ZNF823: variants seen among roughly 807,000 people sequenced by gnomAD.
The protein encoded by ZNF823 is zinc finger protein 823, also known as ZFP 36 for a zinc finger protein.
Under a neutral mutation model 11.4 loss-of-function variants are expected in ZNF823, and 5 were observed. The observed-to-expected ratio is 0.44, with a 90% CI of 0.23 to 0.92. The LOEUF (loss-of-function observed/expected upper bound fraction) is 0.92, where lower values mean the gene tolerates loss of function less well. ZNF823 is among the 40% of genes least tolerant of loss of function. The probability of loss-of-function intolerance (pLI) is 0.24; values close to 1 mark genes in which losing one functional copy is unlikely to be tolerated. For synonymous variants in ZNF823, 234 were observed against 250.5 expected (o/e 0.93, Z 0.62); for missense variants, 582 against 738.5 (o/e 0.79, Z 2.46).
At chr19:11,729,333 A>G (rs1169387935) in intron 1 of ZNF823, among the ~76,000 whole-genome samples, 1 of 152,244 alleles carries the variant, frequency 6.6e-6, no homozygotes, top group East Asian at 1.9e-4. Context: ...TTTTAAATTT[A>G]GATAAATCAG....
intron 1 of ZNF823, among the ~76,000 whole-genome samples, chr19:11,737,090 C>T (rs1474999661): frequency 6.6e-6 from 1 of 152,114 alleles, no homozygotes; most frequent in African/African-American, 2.4e-5. Flanking sequence ...GACTTAGCAG[C>T]TATGAGCATC....
At chr19:11,732,772 G>A (rs144816804) in intron 1 of ZNF823, among the ~76,000 whole-genome samples, 12 of 152,168 alleles carry the variant, frequency 7.9e-5, no homozygotes, top group African/African-American at 2.9e-4. Context: ...GCGCATCCAC[G>A]TGTTCACCAA....
At chr19:11,734,052 T>TGA (rs1568470443) in intron 1 of ZNF823, among the ~76,000 whole-genome samples, 59 of 151,968 alleles carry the variant, frequency 3.9e-4, no homozygotes, top group African/African-American at 1.3e-3. Flanking sequence ...CTGGGCAACA[T>TGA]GGTGAAACCT....
chr19:11,722,308 G>C lies in ZNF823; in HGVS notation c.1226C>G (p.Thr409Ser), dbSNP rs1260882665. 2 of 1,614,168 alleles carry C rather than the reference G, an allele frequency of 1.2e-6. No individual in the cohort carries two copies. Among genetic ancestry groups the C allele is most frequent in the Non-Finnish European group, 1.7e-6 (2 of 1,180,010 alleles). Reference protein sequence around the residue: ...CPSLFQRHERTHTGEKPYQCK... With the variant: ...CPSLFQRHERSHTGEKPYQCK... ...TTGATAGGGTTTCTCTCCAGTGTGA[G>C]TCCTTTCATGTCTTTGAAATAAACT... Residue 409 changes from threonine (T) to serine (S), a missense_variant, in exon 4 of 4, where the codon ACT becomes AGT. Around this residue, in one of 3 missense-constraint regions of ZNF823, gnomAD observed 429 missense variants for 553.7 expected, o/e 0.77. Coordinates refer to ENST00000341191, the MANE Select transcript of ZNF823 (RefSeq NM_001080493.4). The surrounding 1 kb of genome is among the most constrained non-coding windows in gnomAD (Gnocchi z 5.2).
chr19:11,737,074 A>G (rs1975003895), intron 1 of ZNF823, among the ~76,000 whole-genome samples: 1 of 152,174 alleles, frequency 6.6e-6, no homozygotes, highest in Admixed American at 6.5e-5. Context: ...ACTAGACACT[A>G]CAAAAGACTT....
intron 1 of ZNF823, among the ~76,000 whole-genome samples, chr19:11,731,521 C>G (rs1775887269): frequency 6.6e-6 from 1 of 152,146 alleles, no homozygotes; most frequent in Non-Finnish European, 1.5e-5. Context: ...TGAACACCAA[C>G]CAATTCTCCA....
chr19:11,723,320 C>T lies in ZNF823; in HGVS notation c.214G>A (p.Asp72Asn), dbSNP rs1974730456. The change falls in exon 4 of 4, where the codon GAT (aspartate) becomes AAT (asparagine). Residue 72 changes from aspartate to asparagine, a missense_variant. Transcript: ENST00000341191. ...NLRSHTCEIKDDSQCGETFGQ... is the reference protein window; with the variant it reads ...NLRSHTCEIKNDSQCGETFGQ... ...AAAGTTTCTCCACATTGACTGTCAT[C>T]TTTAATTTCACATGTATGACTTCTG... 6.2e-7 allele frequency: 1 copy of T among 1,610,390 alleles called. No homozygotes were observed.
At chr19:11,735,271 T>C (rs765404634) in intron 1 of ZNF823, among the ~76,000 whole-genome samples, 1 of 124,794 alleles carries the variant, frequency 8.0e-6, no homozygotes, top group Non-Finnish European at 1.6e-5. Flanking sequence ...CGAGACTCCA[T>C]TTCAAAAAAC....
Position 11,723,079 on chromosome 19 carries a change from T to C in ZNF823, c.455A>G (p.Gln152Arg), listed in dbSNP as rs754270118. Residue 152 changes from glutamine to arginine, a missense_variant, in exon 4 of 4, where the codon CAG (glutamine) becomes CGG (arginine). Around this residue, in one of 3 missense-constraint regions of ZNF823, gnomAD observed 429 missense variants for 553.7 expected, o/e 0.77. Coordinates refer to ENST00000341191, the MANE Select transcript of ZNF823 (RefSeq NM_001080493.4). ...GKAISHQHSF[Q>R]THERPPTGKK... ...TCCGGTGGGGGGCCTTTCATGTGTCTGGAAGGAGTGCTGATGACTGATGGC... is the reference window on the plus strand; with the variant it reads ...TCCGGTGGGGGGCCTTTCATGTGTCCGGAAGGAGTGCTGATGACTGATGGC... 6.8e-6 allele frequency: 11 copies of C among 1,614,078 alleles called. No homozygotes were observed. The highest frequency in any genetic ancestry group is 1.1e-5 in the South Asian group (1 of 91,082).
chr19:11,721,596 C>T lies in ZNF823; in HGVS notation c.*105G>A, dbSNP rs774632539. The T allele has an allele frequency of 6.3e-5, 75 of 1,196,428 alleles. No individual in the cohort carries two copies. The highest frequency in any genetic ancestry group is 8.3e-5 in the Non-Finnish European group (72 of 863,814). 74.1% of individuals were successfully genotyped at this position (1,196,428 alleles called of 1,614,324 possible). A position where few individuals can be genotyped will look rare whatever the true frequency, so the allele number is the denominator to read the frequency against. On this transcript the variant is annotated 3_prime_UTR_variant, in exon 4 of 4. Coordinates refer to ENST00000341191, the MANE Select transcript of ZNF823 (RefSeq NM_001080493.4). ...ACTGTATTTAAAAAAATTGAAACTA[C>T]TTAAGGCTTTATCCCATGTTTACAT...
Position 11,722,357 on chromosome 19 carries a change from A to G in ZNF823, c.1177T>C (p.Cys393Arg), listed in dbSNP as rs201226152. ...CTGGGACAACCAAAGGCTTTCCCACATATCTTGCATTTCTGGGGTCCATCT... is the reference window on the plus strand; with the variant it reads ...CTGGGACAACCAAAGGCTTTCCCACGTATCTTGCATTTCTGGGGTCCATCT... Reference protein sequence around the residue: ...TGDGPQKCKICGKAFGCPSLF... With the variant: ...TGDGPQKCKIRGKAFGCPSLF... Residue 393 changes from cysteine to arginine, a missense_variant, in exon 4 of 4, where the codon TGT becomes CGT. By Grantham distance (180) the Cys-to-Arg change is radical. Transcript: ENST00000341191. The surrounding 1 kb of genome is among the most constrained non-coding windows in gnomAD (Gnocchi z 5.2). 1.9e-5 allele frequency: 31 copies of G among 1,614,030 alleles called. No homozygotes were observed. Among genetic ancestry groups the G allele is most frequent in the Non-Finnish European group, 2.2e-5 (26 of 1,180,016 alleles).
Position 11,723,051 on chromosome 19 carries a change from C to A in ZNF823, c.483G>T (p.Lys161Asn), listed in dbSNP as rs774554953. The A allele has an allele frequency of 6.2e-7, 1 of 1,614,178 alleles. No individual in the cohort carries two copies. Among genetic ancestry groups the A allele is most frequent in the Non-Finnish European group, 8.5e-7 (1 of 1,180,022 alleles). The change falls in exon 4 of 4, where the codon AAG becomes AAT. Residue 161 changes from lysine (K) to asparagine (N), a missense_variant. By Grantham distance (94) the Lys-to-Asn change is moderately conservative (BLOSUM62 0). This residue lies in a region of ZNF823 where 429 missense variants were observed against 553.7 expected (regional missense o/e 0.77). Coordinates refer to ENST00000341191, the MANE Select transcript of ZNF823 (RefSeq NM_001080493.4). Reference sequence around the variant, plus strand: ...CACATTCTTTACAATCGAAGGGTTTCTTTCCGGTGGGGGGCCTTTCATGTG... The same window carrying A: ...CACATTCTTTACAATCGAAGGGTTTATTTCCGGTGGGGGGCCTTTCATGTG... ...FQTHERPPTG[K>N]KPFDCKECAK...
chr19:11,728,877 A>T lies in ZNF823; in HGVS notation c.4-3550T>A, dbSNP rs1343552318. On this transcript the variant is annotated intron_variant, in intron 1 of 3. Coordinates refer to ENST00000341191, the MANE Select transcript of ZNF823 (RefSeq NM_001080493.4). ...AGACATGGACTGGCTGAATAGAATTAAAAAAACAAGGCTGGAAGGGCACAG... is the reference window on the plus strand; with the variant it reads ...AGACATGGACTGGCTGAATAGAATTTAAAAAACAAGGCTGGAAGGGCACAG... Among the ~76,000 whole-genome samples the T allele has an allele frequency of 2.6e-5, 4 of 152,140 alleles. 1 individual carries two copies. The East Asian group carries it at 7.7e-4, about 29-fold the overall frequency.
At chr19:11,726,419 C>T (rs1974794861) in intron 1 of ZNF823, among the ~76,000 whole-genome samples, 1 of 151,568 alleles carries the variant, frequency 6.6e-6, no homozygotes, top group Non-Finnish European at 1.5e-5. Flanking sequence ...AATGCTTGTG[C>T]TCTCCAAAAC....
chr19:11,723,143 A>G lies in ZNF823; in HGVS notation c.391T>C (p.Tyr131His), dbSNP rs1974725383. ...TGHKSCEHQE[Y>H]GEKPYTHKQR... is the part of the protein sequence containing the mutation. ...TTATGTGTATATGGCTTCTCTCCAT[A>G]TTCCTGATGCTCACATGATTTGTGT... The change falls in exon 4 of 4, where the codon TAT (tyrosine) becomes CAT (histidine). Residue 131 changes from tyrosine to histidine, a missense_variant. Tyr to His is a moderately conservative substitution (Grantham distance 83, BLOSUM62 2). This residue lies in a region of ZNF823 where 429 missense variants were observed against 553.7 expected (regional missense o/e 0.77). Coordinates refer to ENST00000341191, the MANE Select transcript of ZNF823 (RefSeq NM_001080493.4). The G allele has an allele frequency of 6.2e-7, 1 of 1,614,008 alleles. No homozygotes were observed. The highest frequency in any genetic ancestry group is 1.1e-5 in the South Asian group (1 of 91,084).
In ZNF823 at chr19:11,723,075, T is replaced by C; in HGVS notation, c.459A>G (p.Thr153=). ...KAISHQHSFQ[T]HERPPTGKKP... ...TCTTTCCGGTGGGGGGCCTTTCATG[T>C]GTCTGGAAGGAGTGCTGATGACTGA... Residue 153 remains threonine, a synonymous_variant, in exon 4 of 4, where the codon ACA becomes ACG. Transcript: ENST00000341191. The C allele has an allele frequency of 3.1e-6, 5 of 1,614,168 alleles. No homozygotes were observed. The highest frequency in any genetic ancestry group is 1.3e-5 in the African/African-American group (1 of 75,040).
chr19:11,735,281 CAA>C (rs60923876), intron 1 of ZNF823, among the ~76,000 whole-genome samples: 17 of 99,348 alleles, frequency 1.7e-4, no homozygotes, highest in African/African-American at 3.9e-4. Flanking sequence ...TTTCAAAAAA[CAA>C]AAAAAAAAAA....
At chr19:11,726,006 T>C (rs907562022) in intron 1 of ZNF823, 1 of 147,116 alleles carries the variant, frequency 6.8e-6, no homozygotes, top group Non-Finnish European at 1.5e-5. Context: ...GACAGGTGGA[T>C]CACTTAAGCC....
chr19:11,738,805 C>G lies in ZNF823; in HGVS notation c.3+12G>C. 6.2e-7 allele frequency: 1 copy of G among 1,610,482 alleles called. No individual in the cohort carries two copies. Among genetic ancestry groups the G allele is most frequent in the Non-Finnish European group, 8.5e-7 (1 of 1,178,454 alleles). ...CTTCTTTGCCTCGGGACGCCGGGCC[C>G]CGCACACTCACCATTTCCCAGCTTC... is the stretch of plus-strand genomic sequence containing the variant. On this transcript the variant is annotated intron_variant, in intron 1 of 3. Coordinates refer to ENST00000341191, the MANE Select transcript of ZNF823 (RefSeq NM_001080493.4).
Sources: allele counts gnomAD v4.1 joint callset (sites outside exome capture counted in the v4.1 genomes callset), GRCh38; gene constraint gnomAD v4.1.1; regional missense constraint gnomAD v4.1.1; non-coding constraint Gnocchi (gnomAD v3.1); transcripts MANE v1.5; gene names NCBI Gene and HGNC (gene_info 2026-07-23, HGNC 2026-07-21).